CDH15: variants seen among roughly 807,000 people sequenced by gnomAD.
The protein encoded by CDH15 is cadherin-15.
CDH15 carries 73 observed loss-of-function variants against 69.4 expected under a neutral mutation model. That is an observed-to-expected ratio of 1.05 (90% CI 0.87 to 1.28). CDH15 has a LOEUF of 1.28. Ranked by LOEUF, CDH15 falls within the 50% of genes most tolerant of loss-of-function variation. The pLI is 0.00. For missense variants in CDH15, 1,343 were observed against 1,133.6 expected (o/e 1.18, Z -2.65); for synonymous variants, 624 against 507.7 (o/e 1.23, Z -3.08).
chr16:89,190,500 G>A lies in CDH15; in HGVS notation c.1232+4G>A, dbSNP rs1567775952. 1.3e-6 allele frequency: 2 copies of A among 1,586,150 alleles called. No individual in the cohort carries two copies. Among genetic ancestry groups the A allele is most frequent in the Non-Finnish European group, 8.6e-7 (1 of 1,167,238 alleles). ...CAGAGCAGCTGCAGAGGCTCAGGTG[G>A]GGCTCCTGAGGCCCTGGGAGAGGTA... On this transcript the variant is annotated splice_donor_region_variant and intron_variant, in intron 8 of 13. Coordinates refer to ENST00000289746, the MANE Select transcript of CDH15 (RefSeq NM_004933.3).
intron 1 of CDH15, among the ~76,000 whole-genome samples, chr16:89,176,181 C>G (rs908896904): frequency 1.3e-5 from 2 of 152,198 alleles, no homozygotes; most frequent in Admixed American, 6.5e-5. Context: ...CTCAGACTTA[C>G]CAGCCCCCAA....
intron 7 of CDH15, among the ~76,000 whole-genome samples, chr16:89,188,497 T>G (rs1364357156): frequency 7.2e-6 from 1 of 139,288 alleles, no homozygotes. Context: ...CACACACAGA[T>G]GCCGGCACAC....
chr16:89,180,424 C>A, intron 3 of CDH15, 69 bp downstream of exon 3: 1 of 1,532,372 alleles, frequency 6.5e-7, no homozygotes, highest in Non-Finnish European at 8.9e-7. Flanking sequence ...CCCCTCCTCC[C>A]CACCAGGCTT....
intron 1 of CDH15, among the ~76,000 whole-genome samples, chr16:89,174,089 C>T (rs1474366713): frequency 6.6e-6 from 1 of 152,224 alleles, no homozygotes; most frequent in Non-Finnish European, 1.5e-5. Flanking sequence ...CTGTTCTTCC[C>T]ACAGTGGAAG....
chr16:89,178,717 T>C (rs977453208), intron 1 of CDH15, among the ~76,000 whole-genome samples: 1 of 152,218 alleles, frequency 6.6e-6, no homozygotes, highest in African/African-American at 2.4e-5. Context: ...TGGGGGCCGC[T>C]GTATGAATTA....
In CDH15 at chr16:89,192,263, C is replaced by T. The variant is rs1255823804; in HGVS notation, c.1674C>T (p.Ser558=). ...TCCCCGAAGGCCTGCACCGCCTCAG[C>T]CTGCTGCTCCGGGACTCGGGGCAGC... is the stretch of plus-strand genomic sequence containing the variant. ...HQVPEGLHRL[S]LLLRDSGQPP... The change falls in exon 11 of 14, where the codon AGC becomes AGT. Residue 558 remains serine (S), a synonymous_variant. Transcript: ENST00000289746. 1 of 1,530,802 alleles carries T rather than the reference C, an allele frequency of 6.5e-7. No individual in the cohort carries two copies. Among genetic ancestry groups the T allele is most frequent in the Non-Finnish European group, 8.7e-7 (1 of 1,145,206 alleles). 94.8% of individuals were successfully genotyped at this position (1,530,802 alleles called of 1,614,324 possible).
chr16:89,190,358 A>G lies in CDH15; in HGVS notation c.1094A>G (p.His365Arg). ...AERGQAKVRV[H>R]VQDTNEPPVF... ...CGGGGCCAGGCCAAGGTCCGCGTGC[A>G]TGTGCAGGACACCAACGAGCCCCCC... is the stretch of plus-strand genomic sequence containing the variant. The change falls in exon 8 of 14, where the codon CAT (histidine) becomes CGT (arginine). Residue 365 changes from histidine (H) to arginine (R), a missense_variant. Coordinates refer to ENST00000289746, the MANE Select transcript of CDH15 (RefSeq NM_004933.3). 1 of 1,612,892 alleles carries G rather than the reference A, an allele frequency of 6.2e-7. No homozygotes were observed. Among genetic ancestry groups the G allele is most frequent in the Non-Finnish European group, 8.5e-7 (1 of 1,179,964 alleles).
intron 13 of CDH15, among the ~76,000 whole-genome samples, chr16:89,194,565 G>A (rs536229951): frequency 1.3e-5 from 2 of 152,274 alleles, no homozygotes; most frequent in Non-Finnish European, 2.9e-5. Context: ...GGGAGGAAGA[G>A]ACCAGGGTGA....
At chr16:89,187,207 G>T (rs1214405584) in intron 5 of CDH15, among the ~76,000 whole-genome samples, 1 of 152,276 alleles carries the variant, frequency 6.6e-6, no homozygotes, top group Non-Finnish European at 1.5e-5. Context: ...TGCACAGTAG[G>T]TGTTCTGTAA....
chr16:89,193,006 C>T (rs75021998), intron 11 of CDH15, among the ~76,000 whole-genome samples: 1,702 of 52,074 alleles, frequency 0.033, 164 homozygotes, highest in Non-Finnish European at 0.04. Flanking sequence ...CCGCCCCCTG[C>T]TCGCCAACCC....
rs1277399360 is a variant in CDH15, at chr16:89,195,352, AAG to A, written c.*200_*201del. On this transcript the variant is annotated 3_prime_UTR_variant, in exon 14 of 14. Transcript: ENST00000289746. ...AGAGGCCCCTTCCTGCCGGGGTGGG[AAG>A]AGTTTCTCTCCATCGGCCCCATGCG... 3.3e-6 allele frequency: 2 copies of A among 607,728 alleles called. No homozygotes were observed. Among genetic ancestry groups the A allele is most frequent in the African/African-American group, 3.7e-5 (2 of 54,114 alleles). 37.6% of individuals were successfully genotyped at this position (607,728 alleles called of 1,614,324 possible).
intron 3 of CDH15, among the ~76,000 whole-genome samples, chr16:89,180,640 G>A (rs1915355311): frequency 1.3e-5 from 2 of 152,370 alleles, no homozygotes; most frequent in Admixed American, 6.5e-5. Context: ...TGCAGCCGCT[G>A]TAGCTTCTGT....
chr16:89,195,454 G>T lies in CDH15; in HGVS notation c.*299G>T. Reference sequence around the variant, plus strand: ...TGTATGAAAGACAGCAACCTCCTGGGTAAATCTGAATGAAAAACGTGCTAG... The same window carrying T: ...TGTATGAAAGACAGCAACCTCCTGGTTAAATCTGAATGAAAAACGTGCTAG... On this transcript the variant is annotated 3_prime_UTR_variant, in exon 14 of 14. Coordinates refer to ENST00000289746, the MANE Select transcript of CDH15 (RefSeq NM_004933.3). 2 of 459,460 alleles carry T rather than the reference G, an allele frequency of 4.4e-6. No individual in the cohort carries two copies. The highest frequency in any genetic ancestry group is 7.8e-6 in the Non-Finnish European group (2 of 256,834). The allele number at this position is 459,460 out of a possible 1,614,324, so 28.5% of individuals were successfully genotyped here.
intron 8 of CDH15, 45 bp from the exon 9 acceptor site, chr16:89,191,285 C>T (rs1183447052): frequency 6.2e-7 from 1 of 1,611,264 alleles, no homozygotes; most frequent in Non-Finnish European, 8.5e-7. Context: ...ACCTGTGGGG[C>T]CCTGGGGTAA....
At chr16:89,187,952 G>T in intron 6 of CDH15, 148 bp from the exon 7 acceptor site, 1 of 729,322 alleles carries the variant, frequency 1.4e-6, no homozygotes. Context: ...AGTGGGTGGG[G>T]AGCAGCTTCG....
At chr16:89,187,671 G>C (rs1329730907) in intron 6 of CDH15, 114 bp downstream of exon 6, 2 of 1,467,214 alleles carry the variant, frequency 1.4e-6, no homozygotes, top group Non-Finnish European at 1.9e-6. Context: ...GGTGTGCTTT[G>C]GAGAAGGAAC....
intron 13 of CDH15, among the ~76,000 whole-genome samples, chr16:89,194,596 C>G (rs1198533559): frequency 6.6e-6 from 1 of 152,112 alleles, no homozygotes; most frequent in Non-Finnish European, 1.5e-5. Context: ...CCCCTTCCCA[C>G]CTTGCTGGGG....
At chr16:89,190,554 C>T (rs993679017) in intron 8 of CDH15, 58 bp downstream of exon 8, 15 of 1,549,984 alleles carry the variant, frequency 9.7e-6, no homozygotes, top group African/African-American at 4.1e-5. Flanking sequence ...ATTCCTGCTT[C>T]GGGTGCCCCT....
chr16:89,194,963 C>T lies in CDH15; in HGVS notation c.2253C>T (p.Ser751=). 2 of 1,610,446 alleles carry T rather than the reference C, an allele frequency of 1.2e-6. No homozygotes were observed. Among genetic ancestry groups the T allele is most frequent in the Non-Finnish European group, 1.7e-6 (2 of 1,179,046 alleles). Residue 751 remains serine (S), a synonymous_variant, in exon 14 of 14, where the codon TCC becomes TCT. Coordinates refer to ENST00000289746, the MANE Select transcript of CDH15 (RefSeq NM_004933.3). ...GCTCGGTGGCGGGGACGCTGAGCTC[C>T]ATCCTGTCCAGCCAGGGCGATGAGG... is the stretch of plus-strand genomic sequence containing the variant. ...GDGSVAGTLS[S]ILSSQGDEDQ... is the part of the protein sequence containing the mutation.
Sources: allele counts gnomAD v4.1 joint callset (sites outside exome capture counted in the v4.1 genomes callset), GRCh38; gene constraint gnomAD v4.1.1; transcripts MANE v1.5; gene names NCBI Gene and HGNC (gene_info 2026-07-23, HGNC 2026-07-21).